TSPAN18: variants seen among roughly 807,000 people sequenced by gnomAD.
The protein encoded by TSPAN18 is tetraspanin 18.
TSPAN18 carries 14 observed loss-of-function variants against 27.3 expected under a neutral mutation model. The ratio of observed to expected loss-of-function variants is 0.51; its 90% CI spans 0.34 to 0.80. The LOEUF is 0.80. Ranked by LOEUF, TSPAN18 falls within the 30% of genes least tolerant of loss-of-function variation. The pLI, the probability that TSPAN18 is intolerant of heterozygous loss-of-function variation, is 0.01. For synonymous variants in TSPAN18, 143 were observed against 136.5 expected (o/e 1.05, Z -0.33); for missense variants, 268 against 323.9 (o/e 0.83, Z 1.32).
chr11:44,905,757 T>C (rs1859431218), intron 3 of TSPAN18, among the ~76,000 whole-genome samples: 1 of 152,166 alleles, frequency 6.6e-6, no homozygotes, highest in Non-Finnish European at 1.5e-5. Context: ...CAGGAAGGGC[T>C]CCCAGGGAGG....
At chr11:44,896,704 T>A (rs1213623943) in intron 3 of TSPAN18, among the ~76,000 whole-genome samples, 1 of 152,004 alleles carries the variant, frequency 6.6e-6, no homozygotes, top group Admixed American at 6.6e-5. Context: ...CTGCCCAGAG[T>A]TATGCCGGTG....
intron 1 of TSPAN18, among the ~76,000 whole-genome samples, chr11:44,757,251 A>G (rs1427258657): frequency 1.3e-5 from 2 of 151,954 alleles, no homozygotes; most frequent in Non-Finnish European, 2.9e-5. Context: ...ATCCTAGCCA[A>G]CACTTGTTAT....
intron 2 of TSPAN18, among the ~76,000 whole-genome samples, chr11:44,788,670 G>A (rs1424372350): frequency 6.6e-6 from 1 of 151,922 alleles, no homozygotes; most frequent in East Asian, 1.9e-4. Flanking sequence ...GATGGTCTCT[G>A]TCTCCTGACC....
At chr11:44,882,585 G>GACACACACACACACAC (rs199874715) in intron 3 of TSPAN18, among the ~76,000 whole-genome samples, 6 of 92,548 alleles carry the variant, frequency 6.5e-5, no homozygotes, top group South Asian at 7.0e-4. Context: ...GTCAGAGAGA[G>GACACACACACACACAC]AGACACACAC....
At chr11:44,730,307 G>C (rs1028549236) in intron 1 of TSPAN18, among the ~76,000 whole-genome samples, 7 of 152,186 alleles carry the variant, frequency 4.6e-5, no homozygotes. Context: ...CTTGGGAAGA[G>C]CCCTTTCAGT....
At chr11:44,825,541 C>G (rs1361628462) in intron 2 of TSPAN18, among the ~76,000 whole-genome samples, 1 of 152,200 alleles carries the variant, frequency 6.6e-6, no homozygotes, top group Admixed American at 6.5e-5. Context: ...TGAACCTCTC[C>G]TAGAACAAGG....
At chr11:44,757,693 G>A (rs1343045199) in intron 1 of TSPAN18, among the ~76,000 whole-genome samples, 1 of 152,110 alleles carries the variant, frequency 6.6e-6, no homozygotes, top group East Asian at 1.9e-4. Flanking sequence ...TGGCCTCATT[G>A]CAGGTTTTGA....
chr11:44,862,075 C>T (rs1269566193), intron 3 of TSPAN18, among the ~76,000 whole-genome samples: 1 of 151,972 alleles, frequency 6.6e-6, no homozygotes, highest in African/African-American at 2.4e-5. Flanking sequence ...GGGTTTTTTG[C>T]GCTAAATGGG....
At chr11:44,926,821 T>TC (rs1348374075) in intron 9 of TSPAN18, 64 bp downstream of exon 9, 32 of 1,557,388 alleles carry the variant, frequency 2.1e-5, no homozygotes, top group Non-Finnish European at 2.7e-5. Context: ...CCTAGGCAGA[T>TC]CCCCCCAGCC....
chr11:44,733,609 T>C (rs1198032174), intron 1 of TSPAN18, among the ~76,000 whole-genome samples: 1 of 152,174 alleles, frequency 6.6e-6, no homozygotes, highest in African/African-American at 2.4e-5. Context: ...ATTCATTTTA[T>C]GGATGGTGAG....
chr11:44,830,530 C>A (rs1174732794), intron 2 of TSPAN18, among the ~76,000 whole-genome samples: 1 of 152,170 alleles, frequency 6.6e-6, no homozygotes, highest in East Asian at 1.9e-4. Context: ...GGTTAGGCAC[C>A]AGCCACAGTC....
intron 2 of TSPAN18, among the ~76,000 whole-genome samples, chr11:44,832,546 A>C (rs1857176974): frequency 6.6e-6 from 1 of 152,038 alleles, no homozygotes; most frequent in Non-Finnish European, 1.5e-5. Flanking sequence ...GCTTCTTCCC[A>C]TGCTGACAGC....
chr11:44,847,998 T>C (rs1484195749), intron 2 of TSPAN18, among the ~76,000 whole-genome samples: 1 of 33,810 alleles, frequency 3.0e-5, no homozygotes, highest in Non-Finnish European at 6.9e-5. Context: ...TGTGGCTGGC[T>C]AATTTTTAGT....
chr11:44,728,929 G>A (rs1293427602), intron 1 of TSPAN18, among the ~76,000 whole-genome samples: 1 of 152,224 alleles, frequency 6.6e-6, no homozygotes, highest in Non-Finnish European at 1.5e-5. Flanking sequence ...CCTCATTGTG[G>A]TTGGTAGAAG....
At chr11:44,765,983 G>A (rs1305859957) in intron 2 of TSPAN18, among the ~76,000 whole-genome samples, 2 of 152,188 alleles carry the variant, frequency 1.3e-5, no homozygotes, top group Non-Finnish European at 2.9e-5. Flanking sequence ...TCTTGTACAT[G>A]TGCCCTCAAC....
chr11:44,902,244 G>T (rs573030469), intron 3 of TSPAN18, among the ~76,000 whole-genome samples: 12 of 152,334 alleles, frequency 7.9e-5, no homozygotes, highest in African/African-American at 2.9e-4. Context: ...GTTTTTATAG[G>T]TGAAGAAACT....
chr11:44,807,204 A>T (rs1856612266), intron 2 of TSPAN18, among the ~76,000 whole-genome samples: 1 of 10,826 alleles, frequency 9.2e-5, no homozygotes. Context: ...AAAAAAAAAA[A>T]AAAAAAAAAA....
At chr11:44,744,406 A>G (rs889900394) in intron 1 of TSPAN18, among the ~76,000 whole-genome samples, 2 of 152,206 alleles carry the variant, frequency 1.3e-5, no homozygotes, top group African/African-American at 4.8e-5. Flanking sequence ...GAATGAGGTT[A>G]CCGTCATGTT....
At chr11:44,805,371 T>C (rs1041994461) in intron 2 of TSPAN18, among the ~76,000 whole-genome samples, 3 of 152,138 alleles carry the variant, frequency 2.0e-5, no homozygotes, top group African/African-American at 7.2e-5. Context: ...AGTAAATACA[T>C]ATGTAAGCTG....
Sources: gnomAD v4.1 joint callset for allele counts (sites outside exome capture counted in the v4.1 genomes callset) on GRCh38, gnomAD v4.1.1 for gene constraint, MANE v1.5 for transcripts, NCBI Gene and HGNC (gene_info 2026-07-23, HGNC 2026-07-21) for gene names.